Variants in PDE10A observed in about 807,000 individuals in gnomAD.
PDE10A encodes the protein cAMP and cAMP-inhibited cGMP 3',5'-cyclic phosphodiesterase 10A.
PDE10A carries 39 observed loss-of-function variants against 97.7 expected under a neutral mutation model. That is an observed-to-expected ratio of 0.40 (90% CI 0.31 to 0.52). The LOEUF (loss-of-function observed/expected upper bound fraction) is 0.52, where lower values mean the gene tolerates loss of function less well. Among genes scored for constraint, PDE10A ranks in the 20% least tolerant of loss-of-function variants. The probability of loss-of-function intolerance (pLI) is 0.56; values close to 1 mark genes in which losing one functional copy is unlikely to be tolerated. For missense variants in PDE10A, 731 were observed against 1,047.8 expected, an observed-to-expected ratio of 0.70 and a Z score of 4.17; for synonymous variants, 371 against 376.8, an observed-to-expected ratio of 0.98 and a Z score of 0.18.
chr6:165,607,528 C>G (rs1406211875), intron 1 of PDE10A, among the ~76,000 whole-genome samples: 1 of 152,098 alleles, frequency 6.6e-6, no homozygotes, highest in Non-Finnish European at 1.5e-5. Context: ...CCTGTACCAT[C>G]TAGGTTTGTT....
intron 1 of PDE10A, among the ~76,000 whole-genome samples, chr6:165,630,330 A>G (rs1483160169): frequency 6.6e-6 from 1 of 152,210 alleles, no homozygotes; most frequent in East Asian, 1.9e-4. Flanking sequence ...CCTGGGTGAC[A>G]GAGTGAGACC....
At chr6:165,682,003 G>C (rs538951363) in intron 1 of PDE10A, among the ~76,000 whole-genome samples, 45 of 152,336 alleles carry the variant, frequency 3.0e-4, no homozygotes, top group African/African-American at 1.1e-3. Flanking sequence ...ATTTCATATA[G>C]CTATCGTGAA....
intron 1 of PDE10A, among the ~76,000 whole-genome samples, chr6:165,736,505 C>A (rs1792578672): frequency 6.6e-6 from 1 of 152,122 alleles, no homozygotes; most frequent in Non-Finnish European, 1.5e-5. Flanking sequence ...CAGGCTCATG[C>A]CACTGAACCC....
chr6:165,857,340 G>C (rs931299740), intron 1 of PDE10A, among the ~76,000 whole-genome samples: 8 of 152,224 alleles, frequency 5.3e-5, no homozygotes, highest in African/African-American at 1.9e-4. Flanking sequence ...AGCCACCTCT[G>C]CTGCCAGCCA....
intron 18 of PDE10A, among the ~76,000 whole-genome samples, chr6:165,354,926 A>C (rs539192291): frequency 6.6e-6 from 1 of 151,962 alleles, no homozygotes; most frequent in African/African-American, 2.4e-5. Context: ...ATTAGCCATC[A>C]CAACAATGTA....
rs1791205781 is a variant in PDE10A at position 165,450,432 on chromosome 6, A to G, written c.1024-70T>C. The G allele has an allele frequency of 3.9e-6, 3 of 769,356 alleles. No individual in the cohort carries two copies. The South Asian group carries it at 7.8e-5, about 20-fold the overall frequency. The allele number at this position is 769,356 out of a possible 1,614,324, so 47.7% of individuals were successfully genotyped here. ...ATATAACAAAAATTCCTTAGTCTGTAAGACATACTATTAATATATGTGACT... is the reference window on the plus strand; with the variant it reads ...ATATAACAAAAATTCCTTAGTCTGTGAGACATACTATTAATATATGTGACT... On this transcript the variant is annotated intron_variant, in intron 3 of 21. Coordinates refer to ENST00000539869, the MANE Select transcript of PDE10A (RefSeq NM_001385079.1).
In PDE10A at chr6:165,484,731, A is replaced by G. The variant is rs375540557; in HGVS notation, c.995-2388T>C. On this transcript the variant is annotated intron_variant, in intron 2 of 21. Coordinates refer to ENST00000539869, the MANE Select transcript of PDE10A (RefSeq NM_001385079.1). ...GTGGCAGGCTTTACAGTGGCAAGTG[A>G]GCTGAGTGCTTCAATTGCACAGCTG... is the stretch of plus-strand genomic sequence containing the variant. 7.2e-5 allele frequency among the ~76,000 whole-genome samples: 11 copies of G among 152,324 alleles called. No individual in the cohort carries two copies. The South Asian group carries it at 2.3e-3, about 32-fold the overall frequency.
intron 1 of PDE10A, among the ~76,000 whole-genome samples, chr6:165,868,973 A>G (rs888761671): frequency 2.0e-5 from 3 of 152,038 alleles, no homozygotes; most frequent in Admixed American, 2.0e-4. Flanking sequence ...GCCATATATG[A>G]CAAAGCCACA....
rs115594431 is a variant in PDE10A, at chr6:165,529,549, A to G, written c.994+13891T>C. 7.0e-3 allele frequency among the ~76,000 whole-genome samples: 1,061 copies of G among 152,346 alleles called. 16 individuals are homozygous for G. Among genetic ancestry groups the G allele is most frequent in the African/African-American group, 0.024 (998 of 41,582 alleles). On this transcript the variant is annotated intron_variant, in intron 2 of 21. Transcript: ENST00000539869. ...TAGTCATCATACCAGCTACGACCAC[A>G]TGACCAGTGGCAGAAATGAGGACTG...
At chr6:165,469,358 T>C (rs1161392058) in intron 3 of PDE10A, among the ~76,000 whole-genome samples, 2 of 152,166 alleles carry the variant, frequency 1.3e-5, no homozygotes, top group African/African-American at 4.8e-5. Context: ...TGTTTTACAC[T>C]AATATGCTCA....
chr6:165,384,627 AGTGAGTGTGTGTGTGTGTGTGTGTGT>A (rs1311835998), intron 17 of PDE10A, among the ~76,000 whole-genome samples: 5 of 60,654 alleles, frequency 8.2e-5, no homozygotes, highest in South Asian at 5.6e-4. Flanking sequence ...TGTATGTGTG[AGTGAGTGTGTGTGTGTGTGTGTGTGT>A]GTGTGTGTGT....
intron 13 of PDE10A, among the ~76,000 whole-genome samples, chr6:165,397,132 T>C (rs1349797285): frequency 6.6e-6 from 1 of 152,190 alleles, no homozygotes; most frequent in African/African-American, 2.4e-5. Flanking sequence ...TCCTGTTAAG[T>C]TGAAATCTTG....
At chr6:165,852,984 C>T (rs901906463) in intron 1 of PDE10A, among the ~76,000 whole-genome samples, 4 of 152,214 alleles carry the variant, frequency 2.6e-5, no homozygotes, top group African/African-American at 7.2e-5. Flanking sequence ...AGTGGACGCC[C>T]GATGATCATA....
At chr6:165,837,323 A>C (rs1780091116) in intron 1 of PDE10A, among the ~76,000 whole-genome samples, 1 of 152,232 alleles carries the variant, frequency 6.6e-6, no homozygotes, top group African/African-American at 2.4e-5. Context: ...TCAAGCTGCA[A>C]TTCTGAGACA....
chr6:165,657,179 A>G (rs1234491249), intron 1 of PDE10A, among the ~76,000 whole-genome samples: 3 of 152,246 alleles, frequency 2.0e-5, no homozygotes, highest in African/African-American at 7.2e-5. Context: ...GAGGGAAAGC[A>G]GGCAATAAAC....
chr6:165,438,915 G>A (rs1459765050), intron 5 of PDE10A, among the ~76,000 whole-genome samples: 4 of 149,076 alleles, frequency 2.7e-5, no homozygotes. Flanking sequence ...CTGATATTGT[G>A]CCACCGTACT....
At chr6:165,928,485 G>A (rs1427320147) in intron 1 of PDE10A, among the ~76,000 whole-genome samples, 1 of 152,210 alleles carries the variant, frequency 6.6e-6, no homozygotes, top group Non-Finnish European at 1.5e-5. Flanking sequence ...GGCATGGGGT[G>A]TGAGCTGCTC....
At position 165,794,208 on chromosome 6, in the gene PDE10A, ACT is replaced by A. The variant is rs1292531160; in HGVS notation, c.-615+193319_-615+193320del. Among the ~76,000 whole-genome samples the A allele has an allele frequency of 1.8e-4, 27 of 150,632 alleles. No individual in the cohort carries two copies. In the East Asian group the frequency reaches 3.9e-3, roughly 22 times the overall value. Reference sequence around the variant, plus strand: ...CACTCACGCACTCACGCTCACACACACTCATCACACAATCATACACTCCCTCC... The same window carrying A: ...CACTCACGCACTCACGCTCACACACACATCACACAATCATACACTCCCTCC... On this transcript the variant is annotated intron_variant, in intron 1 of 19. Coordinates refer to the PDE10A transcript ENST00000366882.
At chr6:165,663,910 C>T (rs1049583807), upstream of PDE10A, among the ~76,000 whole-genome samples, 4 of 152,204 alleles carry the variant, frequency 2.6e-5, no homozygotes, top group East Asian at 7.7e-4. Context: ...ATGAGCCGCC[C>T]AATGGGCGCT....
Sources: allele counts gnomAD v4.1 joint callset (sites outside exome capture counted in the v4.1 genomes callset), GRCh38; gene constraint gnomAD v4.1.1; transcripts MANE v1.5; gene names NCBI Gene and HGNC (gene_info 2026-07-23, HGNC 2026-07-21).